The following KIF4A variants were observed in gnomAD, a reference collection of about 807,000 sequenced individuals.
The protein encoded by KIF4A is kinesin family member 4A.
A neutral mutation model predicts 105.9 loss-of-function variants in KIF4A; 7 were observed. That is an observed-to-expected ratio of 0.07 (90% CI 0.04 to 0.12). The LOEUF is 0.12. Among genes scored for constraint, KIF4A ranks in the 10% least tolerant of loss-of-function variants. The pLI, the probability that KIF4A is intolerant of heterozygous loss-of-function variation, is 1.00. For missense variants in KIF4A, 558 were observed against 929.2 expected (o/e 0.60, Z 5.19); for synonymous variants, 281 against 331.3 (o/e 0.85, Z 1.65).
chrX:70,367,809 T>C (rs1437031028), intron 15 of KIF4A, among the ~76,000 whole-genome samples: 3 of 111,926 alleles, frequency 2.7e-5, no homozygotes, highest in African/African-American at 9.8e-5. Context: ...CCTTGCTAGA[T>C]TGGGGAAGTT....
At chrX:70,302,493 T>G in intron 7 of KIF4A, 95 bp downstream of exon 7, 1 of 837,081 alleles carries the variant, frequency 1.2e-6, no homozygotes, top group Admixed American at 2.9e-5. Context: ...GAGATCACAT[T>G]CTAACAGTAG....
chrX:70,387,088 C>A, intron 19 of KIF4A, 96 bp from the exon 20 acceptor site: 1 of 601,739 alleles, frequency 1.7e-6, no homozygotes, highest in South Asian at 3.1e-5. Flanking sequence ...TATAGGAACT[C>A]AAACCCATAG....
chrX:70,367,001 T>G (rs1301598945), intron 15 of KIF4A, among the ~76,000 whole-genome samples: 1 of 111,481 alleles, frequency 9.0e-6, no homozygotes, highest in Non-Finnish European at 1.9e-5. Context: ...TTACCATTAT[T>G]TAATGGCCTT....
chrX:70,347,811 T>C (rs1222877417), intron 13 of KIF4A, among the ~76,000 whole-genome samples: 1 of 97,653 alleles, frequency 1.0e-5, no homozygotes, highest in Non-Finnish European at 2.1e-5. Flanking sequence ...CCGTCTCTAC[T>C]AAAAATACAA....
In KIF4A at chrX:70,420,730, A is replaced by G. The variant is rs2086363561; in HGVS notation, c.*465A>G. ...TCTTTCCTGTCCTGACCCTCTCTGA[A>G]TTATGTTTCAATAGTACTCTTGATT... On this transcript the variant is annotated 3_prime_UTR_variant, in exon 31 of 31. Coordinates refer to ENST00000374403, the MANE Select transcript of KIF4A (RefSeq NM_012310.5). 8.1e-6 allele frequency: 1 copy of G among 123,649 alleles called. No homozygotes were observed. Among genetic ancestry groups the G allele is most frequent in the Non-Finnish European group, 1.8e-5 (1 of 54,875 alleles). 10.2% of individuals were successfully genotyped at this position (123,649 alleles called of 1,213,427 possible).
chrX:70,324,537 C>G (rs1602749083), intron 7 of KIF4A, among the ~76,000 whole-genome samples: 1 of 111,918 alleles, frequency 8.9e-6, no homozygotes, highest in Non-Finnish European at 1.9e-5. Context: ...GTACTTCTGA[C>G]TTCTACATCC....
intron 13 of KIF4A, among the ~76,000 whole-genome samples, chrX:70,351,597 C>T (rs921325014): frequency 9.0e-6 from 1 of 111,619 alleles, no homozygotes; most frequent in Admixed American, 9.5e-5. Context: ...ACCACATACA[C>T]ACTTAGATTG....
chrX:70,393,946 G>T (rs1394978081), intron 20 of KIF4A, among the ~76,000 whole-genome samples: 1 of 100,236 alleles, frequency 1.0e-5, no homozygotes, highest in Non-Finnish European at 2.0e-5. Flanking sequence ...GCTCACTGTA[G>T]CCTTAACCTC....
chrX:70,402,735 G>A, intron 23 of KIF4A, 40 bp downstream of exon 23: 2 of 1,188,833 alleles, frequency 1.7e-6, no homozygotes, highest in Non-Finnish European at 2.3e-6. Context: ...GGCTGGCTGT[G>A]TAGGTTGAAA....
chrX:70,415,607 CAA>C (rs59326448), intron 28 of KIF4A: 7 of 80,534 alleles, frequency 8.7e-5, no homozygotes, highest in Non-Finnish European at 1.4e-4. Context: ...ACCCTGTCTC[CAA>C]AAAAAAAAAA....
rs745422299 is a variant in KIF4A at position 70,362,252 on chromosome X, C to T, written c.1674+8445C>T. 14 of 361,794 alleles carry T rather than the reference C, an allele frequency of 3.9e-5. No individual in the cohort carries two copies. In the East Asian group the frequency reaches 1.0e-3, roughly 27 times the overall value. 29.8% of individuals were successfully genotyped at this position (361,794 alleles called of 1,213,427 possible). A position where few individuals can be genotyped will look rare whatever the true frequency, so the allele number is the denominator to read the frequency against. ...AGGCCTTCCCCATTGAGGAGATCTT[C>T]TCATCCACCACATCCAGAGATGTGT... On this transcript the variant is annotated intron_variant, in intron 15 of 30. Coordinates refer to ENST00000374403, the MANE Select transcript of KIF4A (RefSeq NM_012310.5).
At chrX:70,354,083 A>G (rs1321742896) in intron 15 of KIF4A, among the ~76,000 whole-genome samples, 1 of 112,556 alleles carries the variant, frequency 8.9e-6, no homozygotes, top group Non-Finnish European at 1.9e-5. Flanking sequence ...TAGAGAAATT[A>G]TATTCTAATA....
In KIF4A at chrX:70,293,871, G is replaced by C. The variant is rs567398508; in HGVS notation, c.235+3066G>C. On this transcript the variant is annotated intron_variant, in intron 3 of 30. Transcript: ENST00000374403. Reference sequence around the variant, plus strand: ...GAATGTAAGGGCCTAAAACATTATTGTATACTACTGTAGACTTTATAAACA... The same window carrying C: ...GAATGTAAGGGCCTAAAACATTATTCTATACTACTGTAGACTTTATAAACA... Among the ~76,000 whole-genome samples the C allele has an allele frequency of 1.4e-3, 159 of 112,029 alleles. 2 individuals carry two copies. In the South Asian group the frequency reaches 0.057, roughly 40 times the overall value.
intron 7 of KIF4A, among the ~76,000 whole-genome samples, chrX:70,328,086 A>G (rs2085917212): frequency 1.8e-5 from 2 of 112,263 alleles, no homozygotes; most frequent in South Asian, 7.5e-4. Context: ...GGATCTCATA[A>G]ATATAATTGT....
At chrX:70,314,286 C>T (rs1036036322) in intron 7 of KIF4A, among the ~76,000 whole-genome samples, 3 of 112,163 alleles carry the variant, frequency 2.7e-5, no homozygotes, top group African/African-American at 9.7e-5. Context: ...GTTGCTAAAC[C>T]CTCTGGAATA....
At chrX:70,379,256 G>A (rs993890451) in intron 18 of KIF4A, among the ~76,000 whole-genome samples, 4 of 111,478 alleles carry the variant, frequency 3.6e-5, no homozygotes, top group Non-Finnish European at 5.7e-5. Flanking sequence ...TAGTCTTGCC[G>A]GAAGGAAAGG....
chrX:70,317,450 C>T (rs984883768), intron 7 of KIF4A, among the ~76,000 whole-genome samples: 1 of 110,859 alleles, frequency 9.0e-6, no homozygotes, highest in African/African-American at 3.3e-5. Context: ...CAAAACACTT[C>T]CAGCACCCAT....
intron 28 of KIF4A, among the ~76,000 whole-genome samples, chrX:70,416,686 G>A (rs1029532745): frequency 9.0e-6 from 1 of 111,659 alleles, no homozygotes; most frequent in South Asian, 3.8e-4. Flanking sequence ...TGAGTTGAGG[G>A]GAACCTAAAT....
chrX:70,388,180 A>G (rs1384677161), intron 20 of KIF4A, among the ~76,000 whole-genome samples: 1 of 111,307 alleles, frequency 9.0e-6, no homozygotes, highest in Non-Finnish European at 1.9e-5. Flanking sequence ...TTTATTCACA[A>G]TTATTTTGAG....
Sources: allele counts gnomAD v4.1 joint callset (sites outside exome capture counted in the v4.1 genomes callset), GRCh38; gene constraint gnomAD v4.1.1; transcripts MANE v1.5; gene names NCBI Gene and HGNC (gene_info 2026-07-23, HGNC 2026-07-21).